The following PDE4B variants were observed in gnomAD, a reference collection of about 807,000 sequenced individuals.
PDE4B encodes the protein 3',5'-cyclic-AMP phosphodiesterase 4B.
PDE4B carries 20 observed loss-of-function variants against 82.2 expected under a neutral mutation model. The observed-to-expected ratio is 0.24, with a 90% CI of 0.17 to 0.35. The LOEUF is 0.35. Ranked by LOEUF, PDE4B falls within the 10% of genes least tolerant of loss-of-function variation. PDE4B has a pLI of 1.00. For missense variants in PDE4B, 655 were observed against 907.2 expected, an observed-to-expected ratio of 0.72 and a Z score of 3.57; for synonymous variants, 320 against 318.9, an observed-to-expected ratio of 1.00 and a Z score of -0.04.
At chr1:66,364,997 C>G (rs1384696896) in intron 12 of PDE4B, among the ~76,000 whole-genome samples, 2 of 152,066 alleles carry the variant, frequency 1.3e-5, no homozygotes, top group African/African-American at 4.8e-5. Context: ...CAGTATATAC[C>G]TTATTAATAC....
chr1:66,085,865 C>T (rs572696354), intron 3 of PDE4B, among the ~76,000 whole-genome samples: 7 of 152,042 alleles, frequency 4.6e-5, no homozygotes, highest in South Asian at 2.1e-4. Flanking sequence ...TGCAAGTTTG[C>T]GCACCTGTCT....
At chr1:65,905,700 T>C (rs888249007) in intron 1 of PDE4B, among the ~76,000 whole-genome samples, 3 of 152,134 alleles carry the variant, frequency 2.0e-5, no homozygotes, top group East Asian at 3.9e-4. Flanking sequence ...AAAAGGACAG[T>C]AGCCTCCTCA....
chr1:66,269,876 G>A lies in PDE4B; in HGVS notation c.634+3789G>A, dbSNP rs141672950. ...CCGAGTCATGTAAATGTGACTTGAT[G>A]TAAAATAATATGTATCATGTATACA... is the stretch of plus-strand genomic sequence containing the variant. On this transcript the variant is annotated intron_variant, in intron 7 of 16. Transcript: ENST00000341517. Among the ~76,000 whole-genome samples the A allele has an allele frequency of 4.3e-3, 660 of 152,304 alleles. 5 individuals carry two copies. Among genetic ancestry groups the A allele is most frequent in the Middle Eastern group, 0.034 (10 of 294 alleles).
At chr1:66,103,628 T>C (rs1413295971) in intron 3 of PDE4B, among the ~76,000 whole-genome samples, 1 of 152,008 alleles carries the variant, frequency 6.6e-6, no homozygotes, top group Non-Finnish European at 1.5e-5. Context: ...AACTCACAGG[T>C]AAAAAAGAAA....
intron 3 of PDE4B, among the ~76,000 whole-genome samples, chr1:65,928,669 T>G (rs1039582024): frequency 4.2e-4 from 64 of 152,276 alleles, no homozygotes; most frequent in Non-Finnish European, 5.3e-4. Context: ...AAGGCATTGG[T>G]CAAGGGTGTA....
chr1:65,931,097 A>G (rs1410487031), intron 3 of PDE4B, among the ~76,000 whole-genome samples: 1 of 152,052 alleles, frequency 6.6e-6, no homozygotes, highest in African/African-American at 2.4e-5. Flanking sequence ...TTATTGTGAG[A>G]TATGGTTATT....
intron 3 of PDE4B, among the ~76,000 whole-genome samples, chr1:65,928,470 C>T (rs572314943): frequency 1.6e-4 from 25 of 152,280 alleles, no homozygotes; most frequent in African/African-American, 4.1e-4. Flanking sequence ...AAGGTAGCTA[C>T]GCCCACCTTG....
chr1:65,889,472 T>G (rs1646828781), intron 1 of PDE4B, among the ~76,000 whole-genome samples: 1 of 151,902 alleles, frequency 6.6e-6, no homozygotes, highest in Non-Finnish European at 1.5e-5. Context: ...AGGTATCAGA[T>G]TCAATATTAA....
intron 3 of PDE4B, among the ~76,000 whole-genome samples, chr1:66,171,501 G>T (rs554885527): frequency 1.3e-5 from 2 of 152,008 alleles, no homozygotes; most frequent in Non-Finnish European, 2.9e-5. Context: ...ATATTAAAAA[G>T]GGAAAAATTA....
intron 1 of PDE4B, among the ~76,000 whole-genome samples, chr1:65,831,818 C>T (rs1257593596): frequency 6.6e-6 from 1 of 152,156 alleles, no homozygotes; most frequent in African/African-American, 2.4e-5. Flanking sequence ...ACTCACCCCA[C>T]TGATGAATAT....
chr1:65,901,243 G>A (rs1197683557), intron 1 of PDE4B, among the ~76,000 whole-genome samples: 1 of 152,042 alleles, frequency 6.6e-6, no homozygotes, highest in African/African-American at 2.4e-5. Context: ...CTGTTTATGT[G>A]ATGAATCACA....
At chr1:66,241,727 C>T (rs1002474628) in intron 3 of PDE4B, among the ~76,000 whole-genome samples, 2 of 152,052 alleles carry the variant, frequency 1.3e-5, no homozygotes, top group African/African-American at 4.8e-5. Flanking sequence ...ACCCCCACAA[C>T]ACACACACTC....
At chr1:65,977,251 A>G (rs1188274708) in intron 3 of PDE4B, among the ~76,000 whole-genome samples, 1 of 152,208 alleles carries the variant, frequency 6.6e-6, no homozygotes. Context: ...CACTCCCCAG[A>G]GTTTCTGATT....
intron 7 of PDE4B, among the ~76,000 whole-genome samples, chr1:66,308,363 G>T (rs548076035): frequency 5.7e-4 from 87 of 152,254 alleles, no homozygotes; most frequent in African/African-American, 2.0e-3. Context: ...AGTATCATAT[G>T]CAGAGAGAAA....
At chr1:65,826,592 A>T (rs917934033) in intron 1 of PDE4B, among the ~76,000 whole-genome samples, 30 of 152,088 alleles carry the variant, frequency 2.0e-4, no homozygotes, top group African/African-American at 7.2e-4. Context: ...GCCCACACCT[A>T]CCTCCCTAAT....
chr1:66,241,507 CT>C (rs1299918372), intron 3 of PDE4B, among the ~76,000 whole-genome samples: 4 of 151,210 alleles, frequency 2.6e-5, no homozygotes, highest in Admixed American at 6.6e-5. Context: ...ATTTCTTTTT[CT>C]TTTTTTTTCT....
intron 7 of PDE4B, among the ~76,000 whole-genome samples, chr1:66,297,212 T>C (rs562622154): frequency 1.3e-5 from 2 of 152,278 alleles, no homozygotes; most frequent in Admixed American, 1.3e-4. Flanking sequence ...TCGACAGATA[T>C]CTTGTGTAAG....
chr1:65,803,786 G>C (rs1386402627), intron 1 of PDE4B, among the ~76,000 whole-genome samples: 2 of 152,130 alleles, frequency 1.3e-5, no homozygotes, highest in Non-Finnish European at 2.9e-5. Flanking sequence ...TTCAATAAAG[G>C]CTTTTGTAAT....
At chr1:66,030,150 C>T (rs1003011922) in intron 3 of PDE4B, among the ~76,000 whole-genome samples, 8 of 151,590 alleles carry the variant, frequency 5.3e-5, no homozygotes, top group African/African-American at 1.7e-4. Flanking sequence ...GGGTGAATCA[C>T]ATTTATTTAT....
Sources: allele counts gnomAD v4.1 joint callset (sites outside exome capture counted in the v4.1 genomes callset), GRCh38; gene constraint gnomAD v4.1.1; transcripts MANE v1.5; gene names NCBI Gene and HGNC (gene_info 2026-07-23, HGNC 2026-07-21).